The following SUGCT variants were observed in gnomAD, a reference collection of about 807,000 sequenced individuals.
The protein encoded by SUGCT is succinyl-CoA:glutarate-CoA transferase.
In SUGCT, 41 loss-of-function variants were observed where a neutral mutation model predicts 55.0. The ratio of observed to expected loss-of-function variants is 0.74; its 90% CI spans 0.58 to 0.97. The LOEUF is 0.97. Ranked by LOEUF, SUGCT falls within the 50% of genes least tolerant of loss-of-function variation. The probability of loss-of-function intolerance (pLI) is 0.00; values close to 1 mark genes in which losing one functional copy is unlikely to be tolerated. For synonymous variants in SUGCT, 187 were observed against 200.4 expected, an observed-to-expected ratio of 0.93 and a Z score of 0.56; for missense variants, 568 against 547.8, an observed-to-expected ratio of 1.04 and a Z score of -0.37.
intron 9 of SUGCT, among the ~76,000 whole-genome samples, chr7:40,444,663 C>G (rs1030193704): frequency 1.3e-5 from 2 of 152,172 alleles, no homozygotes; most frequent in Non-Finnish European, 2.9e-5. Flanking sequence ...ATCATGTCAT[C>G]TGCAAACAGG....
Position 40,274,550 on chromosome 7 carries a change from A to G in SUGCT, c.614A>G (p.Asp205Gly), listed in dbSNP as rs1224997874. Residue 205 changes from aspartate to glycine, a missense_variant, in exon 8 of 14, where the codon GAT becomes GGT. Asp to Gly is a moderately conservative substitution (Grantham distance 94). Transcript: ENST00000335693. ...GTTCGCCCAGGAGTAGCTATGACTG[A>G]TCTTGCCACTGGCCTGTATGCATAT... Reference protein sequence around the residue: ...DPVRPGVAMTDLATGLYAYGA... With the variant: ...DPVRPGVAMTGLATGLYAYGA... 1 of 1,613,818 alleles carries G rather than the reference A, an allele frequency of 6.2e-7. No homozygotes were observed. Among genetic ancestry groups the G allele is most frequent in the Non-Finnish European group, 8.5e-7 (1 of 1,179,794 alleles).
At chr7:40,338,076 C>T (rs909566928) in intron 9 of SUGCT, among the ~76,000 whole-genome samples, 7 of 152,054 alleles carry the variant, frequency 4.6e-5, no homozygotes, top group Non-Finnish European at 7.4e-5. Flanking sequence ...GAATATTGGC[C>T]CCCACTCTCT....
chr7:40,600,370 GCAT>G (rs1268450395), intron 12 of SUGCT, among the ~76,000 whole-genome samples: 1 of 152,152 alleles, frequency 6.6e-6, no homozygotes, highest in East Asian at 1.9e-4. Flanking sequence ...CAAATCCCAG[GCAT>G]CATTGTGGCT....
At chr7:40,336,820 A>G (rs544312078) in intron 9 of SUGCT, among the ~76,000 whole-genome samples, 84 of 152,038 alleles carry the variant, frequency 5.5e-4, no homozygotes, top group African/African-American at 1.9e-3. Context: ...TTGCTCCTCT[A>G]GTTCTTTTAA....
chr7:40,473,864 G>C (rs1790523220), intron 11 of SUGCT, among the ~76,000 whole-genome samples: 1 of 152,146 alleles, frequency 6.6e-6, no homozygotes, highest in South Asian at 2.1e-4. Flanking sequence ...GTCCTTGGGT[G>C]GCTGACAGGG....
chr7:40,728,528 AAAAT>A (rs1252206010), intron 12 of SUGCT, among the ~76,000 whole-genome samples: 3 of 152,126 alleles, frequency 2.0e-5, no homozygotes, highest in Non-Finnish European at 4.4e-5. Flanking sequence ...AAAAAAAGAA[AAAAT>A]AAAAGAATAT....
At chr7:40,588,840 A>C (rs991524548) in intron 12 of SUGCT, among the ~76,000 whole-genome samples, 4 of 152,198 alleles carry the variant, frequency 2.6e-5, no homozygotes, top group Non-Finnish European at 5.9e-5. Flanking sequence ...AAAGCACTTA[A>C]CAAATGTTAT....
At chr7:40,431,117 CAAAA>C (rs869159761) in intron 9 of SUGCT, among the ~76,000 whole-genome samples, 1 of 86,988 alleles carries the variant, frequency 1.1e-5, no homozygotes. Flanking sequence ...GACTTCGTCT[CAAAA>C]AAAAAAAAAA....
chr7:40,252,709 G>A (rs180997809), intron 7 of SUGCT, among the ~76,000 whole-genome samples: 31 of 151,794 alleles, frequency 2.0e-4, no homozygotes, highest in Admixed American at 1.8e-3. Flanking sequence ...GTGCAGTGGT[G>A]CAGTCATGGC....
intron 12 of SUGCT, among the ~76,000 whole-genome samples, chr7:40,509,885 G>A (rs1340974386): frequency 6.6e-6 from 1 of 152,182 alleles, no homozygotes; most frequent in Non-Finnish European, 1.5e-5. Flanking sequence ...GGGAGAGATG[G>A]TGTAGAGTTA....
chr7:40,990,164 TGGC>T, the SUGCT span, among the ~76,000 whole-genome samples: 1 of 152,222 alleles, frequency 6.6e-6, no homozygotes, highest in Non-Finnish European at 1.5e-5. Context: ...GAAGTTGAAA[TGGC>T]TTCTTGATTC....
intron 12 of SUGCT, among the ~76,000 whole-genome samples, chr7:40,668,156 G>A (rs1429261043): frequency 3.3e-5 from 5 of 152,108 alleles, no homozygotes; most frequent in Non-Finnish European, 5.9e-5. Flanking sequence ...TTCTTTTACA[G>A]TATGATATAT....
At chr7:40,542,252 C>A (rs1794731087) in intron 12 of SUGCT, among the ~76,000 whole-genome samples, 1 of 152,184 alleles carries the variant, frequency 6.6e-6, no homozygotes, top group Admixed American at 6.5e-5. Flanking sequence ...TCGTCATCAT[C>A]ATCATCATCA....
At chr7:40,385,272 A>G (rs551582909) in intron 9 of SUGCT, among the ~76,000 whole-genome samples, 85 of 152,298 alleles carry the variant, frequency 5.6e-4, no homozygotes, top group Non-Finnish European at 1.1e-3. Context: ...GGTTGGAGTC[A>G]GGGACAGTTC....
intron 6 of SUGCT, among the ~76,000 whole-genome samples, chr7:40,207,380 C>G (rs2150782376): frequency 6.6e-6 from 1 of 152,174 alleles, no homozygotes; most frequent in Non-Finnish European, 1.5e-5. Context: ...CATCTCGCCC[C>G]CATTAAGATG....
intron 9 of SUGCT, among the ~76,000 whole-genome samples, chr7:40,404,238 GA>G (rs1333949019): frequency 2.0e-5 from 3 of 151,958 alleles, no homozygotes; most frequent in Non-Finnish European, 2.9e-5. Flanking sequence ...TCATCAGAGA[GA>G]AAAAAAATTA....
At chr7:40,757,618 A>T (rs1484748925) in intron 13 of SUGCT, among the ~76,000 whole-genome samples, 1 of 152,216 alleles carries the variant, frequency 6.6e-6, no homozygotes, top group African/African-American at 2.4e-5. Flanking sequence ...GGGAATATTT[A>T]ACTGGACTCA....
At chr7:40,158,720 A>G (rs1320601062) in intron 1 of SUGCT, among the ~76,000 whole-genome samples, 1 of 152,264 alleles carries the variant, frequency 6.6e-6, no homozygotes, top group Non-Finnish European at 1.5e-5. Context: ...ACTTCACTCC[A>G]GCCTGGGTAA....
chr7:40,503,723 A>G (rs1792429733), intron 12 of SUGCT, among the ~76,000 whole-genome samples: 1 of 152,198 alleles, frequency 6.6e-6, no homozygotes. Flanking sequence ...CATGAAAATC[A>G]GTTAGATTTT....
Sources: allele counts gnomAD v4.1 joint callset (sites outside exome capture counted in the v4.1 genomes callset), GRCh38; gene constraint gnomAD v4.1.1; transcripts MANE v1.5; gene names NCBI Gene and HGNC (gene_info 2026-07-23, HGNC 2026-07-21).